Variants in RBFOX1 observed in about 807,000 individuals in gnomAD.
RBFOX1 encodes the protein RNA binding protein fox-1 homolog 1.
A neutral mutation model predicts 57.7 loss-of-function variants in RBFOX1; 8 were observed. The observed-to-expected ratio is 0.14, with a 90% CI of 0.08 to 0.25. RBFOX1 has a LOEUF of 0.25. RBFOX1 is among the 10% of genes least tolerant of loss of function. The pLI, the probability that RBFOX1 is intolerant of heterozygous loss-of-function variation, is 1.00. For missense variants in RBFOX1, 611 were observed against 548.5 expected, an observed-to-expected ratio of 1.11 and a Z score of -1.14; for synonymous variants, 326 against 222.4, an observed-to-expected ratio of 1.47 and a Z score of -4.15.
At chr16:6,871,352 AT>A (rs1288982789) in intron 3 of RBFOX1, among the ~76,000 whole-genome samples, 2 of 151,960 alleles carry the variant, frequency 1.3e-5, no homozygotes, top group African/African-American at 4.8e-5. Context: ...CGCCTGGCTA[AT>A]TTTTGTATTT....
chr16:6,044,244 A>G (rs1025929671), intron 1 of RBFOX1, among the ~76,000 whole-genome samples: 8 of 152,164 alleles, frequency 5.3e-5, no homozygotes, highest in African/African-American at 1.2e-4. Flanking sequence ...CTTGCCAGAG[A>G]TGTTGATGTG....
intron 3 of RBFOX1, among the ~76,000 whole-genome samples, chr16:6,901,434 A>C (rs907383373): frequency 4.6e-5 from 7 of 152,272 alleles, no homozygotes; most frequent in South Asian, 2.1e-4. Flanking sequence ...ACAGAGTCCA[A>C]GAGGTCAAAG....
chr16:5,910,461 T>C (rs2058576948), intron 4 of RBFOX1, among the ~76,000 whole-genome samples: 1 of 152,228 alleles, frequency 6.6e-6, no homozygotes, highest in East Asian at 1.9e-4. Flanking sequence ...GGATGAAACA[T>C]GGTCAGGAAA....
intron 4 of RBFOX1, among the ~76,000 whole-genome samples, chr16:7,132,670 A>G (rs1044176529): frequency 5.3e-5 from 8 of 152,108 alleles, no homozygotes; most frequent in African/African-American, 1.9e-4. Context: ...GGGCAGCCTG[A>G]CGCACACTTC....
At chr16:5,804,507 C>G (rs1044984133) in intron 3 of RBFOX1, among the ~76,000 whole-genome samples, 2 of 152,140 alleles carry the variant, frequency 1.3e-5, no homozygotes, top group African/African-American at 4.8e-5. Flanking sequence ...ATTTCCTAAA[C>G]TGATAAATCT....
At chr16:7,130,235 T>C (rs2151956602) in intron 4 of RBFOX1, among the ~76,000 whole-genome samples, 1 of 151,958 alleles carries the variant, frequency 6.6e-6, no homozygotes, top group East Asian at 1.9e-4. Flanking sequence ...AGTTTCGCCA[T>C]ATTTGGCCAG....
At chr16:5,254,281 C>G (rs2062528406) in intron 1 of RBFOX1, among the ~76,000 whole-genome samples, 2 of 152,206 alleles carry the variant, frequency 1.3e-5, no homozygotes, top group South Asian at 2.1e-4. Context: ...TGGTTCTTCT[C>G]TCACAGTAGT....
chr16:6,699,837 G>A (rs1176612253), intron 3 of RBFOX1, among the ~76,000 whole-genome samples: 1 of 152,132 alleles, frequency 6.6e-6, no homozygotes, highest in Non-Finnish European at 1.5e-5. Context: ...GTAGATAAGT[G>A]TCAAATGAGG....
chr16:7,463,031 C>G (rs755211718), intron 4 of RBFOX1, among the ~76,000 whole-genome samples: 9 of 152,200 alleles, frequency 5.9e-5, no homozygotes, highest in Non-Finnish European at 8.8e-5. Flanking sequence ...ATGCCAAAAA[C>G]TGGTTGGCTT....
At chr16:6,706,909 C>G (rs1040096332) in intron 3 of RBFOX1, among the ~76,000 whole-genome samples, 1 of 151,942 alleles carries the variant, frequency 6.6e-6, no homozygotes, top group East Asian at 1.9e-4. Flanking sequence ...TGCAATATTG[C>G]TAGTTGTTTG....
chr16:6,302,268 ACTTTC>A (rs1380910401), intron 1 of RBFOX1, among the ~76,000 whole-genome samples: 2 of 151,444 alleles, frequency 1.3e-5, no homozygotes, highest in African/African-American at 2.4e-5. Flanking sequence ...CAGTTTTATG[ACTTTC>A]CTTTCTCCCA....
At chr16:7,471,555 T>G (rs2061557601) in intron 4 of RBFOX1, among the ~76,000 whole-genome samples, 1 of 152,040 alleles carries the variant, frequency 6.6e-6, no homozygotes, top group South Asian at 2.1e-4. Flanking sequence ...AGTAGGACAT[T>G]TCAAAAAAAA....
At chr16:7,232,604 G>C (rs941435316) in intron 4 of RBFOX1, among the ~76,000 whole-genome samples, 1 of 152,074 alleles carries the variant, frequency 6.6e-6, no homozygotes, top group Non-Finnish European at 1.5e-5. Context: ...CGCTTTGGGA[G>C]GCCGAAGCGG....
chr16:7,050,880 G>C (rs1190901258), intron 3 of RBFOX1, among the ~76,000 whole-genome samples: 1 of 151,872 alleles, frequency 6.6e-6, no homozygotes, highest in East Asian at 1.9e-4. Flanking sequence ...GCTAATCTTA[G>C]TGGTAATATT....
At chr16:7,385,942 A>ATTTC (rs1239466627) in intron 4 of RBFOX1, among the ~76,000 whole-genome samples, 2 of 147,984 alleles carry the variant, frequency 1.4e-5, no homozygotes, top group Non-Finnish European at 3.0e-5. Context: ...TTATTTATTT[A>ATTTC]TTTATTTATT....
At chr16:6,902,983 T>C (rs1201234935) in intron 3 of RBFOX1, among the ~76,000 whole-genome samples, 1 of 152,180 alleles carries the variant, frequency 6.6e-6, no homozygotes, top group East Asian at 1.9e-4. Context: ...ACAAAATAGT[T>C]ACACATCAGT....
chr16:6,640,413 AG>A, intron 2 of RBFOX1, among the ~76,000 whole-genome samples: 1 of 152,256 alleles, frequency 6.6e-6, no homozygotes, highest in Middle Eastern at 3.4e-3. Flanking sequence ...GTGTGAGACC[AG>A]CCTGGCCAAC....
At chr16:7,323,149 G>A (rs1327657257) in intron 4 of RBFOX1, among the ~76,000 whole-genome samples, 6 of 152,192 alleles carry the variant, frequency 3.9e-5, no homozygotes, top group Non-Finnish European at 8.8e-5. Context: ...CTAAGACTGG[G>A]CACATGGCTC....
intron 4 of RBFOX1, among the ~76,000 whole-genome samples, chr16:7,137,087 A>T (rs1287334735): frequency 1.3e-5 from 2 of 152,176 alleles, no homozygotes; most frequent in Admixed American, 6.5e-5. Flanking sequence ...TAAAGGAGAA[A>T]CTGAGGCCCA....
Sources: gnomAD v4.1 joint callset for allele counts (sites outside exome capture counted in the v4.1 genomes callset) on GRCh38, gnomAD v4.1.1 for gene constraint, MANE v1.5 for transcripts, NCBI Gene and HGNC (gene_info 2026-07-23, HGNC 2026-07-21) for gene names.